The following MIX23 variants were observed in gnomAD, a reference collection of about 807,000 sequenced individuals.
The protein encoded by MIX23 is protein MIX23.
A neutral mutation model predicts 21.6 loss-of-function variants in MIX23; 13 were observed. The observed-to-expected ratio is 0.60, with a 90% confidence interval of 0.39 to 0.96. The LOEUF (loss-of-function observed/expected upper bound fraction) is 0.96, where lower values mean the gene tolerates loss of function less well. Ranked by LOEUF, MIX23 falls within the 40% of genes least tolerant of loss-of-function variation. MIX23 has a pLI of 0.00. For synonymous variants in MIX23, 59 were observed against 58.0 expected, an observed-to-expected ratio of 1.02 and a Z score of -0.08; for missense variants, 144 against 171.2, an observed-to-expected ratio of 0.84 and a Z score of 0.89.
chr3:122,364,528 C>G (rs891418926), intron 3 of MIX23, among the ~76,000 whole-genome samples: 1 of 152,164 alleles, frequency 6.6e-6, no homozygotes, highest in Admixed American at 6.5e-5. Flanking sequence ...CAGAATTATC[C>G]TGGGTAACTC....
At chr3:122,376,848 T>C (rs1184377561) in intron 1 of MIX23, among the ~76,000 whole-genome samples, 1 of 152,180 alleles carries the variant, frequency 6.6e-6, no homozygotes, top group Non-Finnish European at 1.5e-5. Flanking sequence ...GGTGAAAAAT[T>C]ACCTGTTGGG....
At chr3:122,378,991 A>G (rs1189502791) in intron 1 of MIX23, among the ~76,000 whole-genome samples, 1 of 152,258 alleles carries the variant, frequency 6.6e-6, no homozygotes, top group Non-Finnish European at 1.5e-5. Flanking sequence ...CATCACAGAA[A>G]GTCCTACTGG....
chr3:122,372,043 G>T (rs1469092125), intron 1 of MIX23, among the ~76,000 whole-genome samples: 1 of 151,978 alleles, frequency 6.6e-6, no homozygotes. Flanking sequence ...TGTCTTAAGG[G>T]TTAAGACTGT....
chr3:122,371,097 G>A (rs1260628408), intron 2 of MIX23, among the ~76,000 whole-genome samples: 1 of 152,168 alleles, frequency 6.6e-6, no homozygotes, highest in Non-Finnish European at 1.5e-5. Flanking sequence ...AGATTTTGCT[G>A]CATCATTATT....
At chr3:122,374,634 T>C (rs1333132090) in intron 1 of MIX23, among the ~76,000 whole-genome samples, 9 of 152,148 alleles carry the variant, frequency 5.9e-5, no homozygotes, top group East Asian at 1.9e-4. Context: ...ATTGAATCCA[T>C]GGATGTAAAA....
chr3:122,369,369 T>C (rs1454074001), intron 2 of MIX23, among the ~76,000 whole-genome samples: 1 of 152,206 alleles, frequency 6.6e-6, no homozygotes, highest in Non-Finnish European at 1.5e-5. Context: ...AAAAGGCAAA[T>C]ATCCCTTCTT....
chr3:122,372,904 C>T, intron 1 of MIX23: 1 of 319,316 alleles, frequency 3.1e-6, no homozygotes, highest in African/African-American at 2.2e-5. Context: ...TGAAAACATC[C>T]AAGTTAATAT....
chr3:122,379,001 GA>G (rs1256530584), intron 1 of MIX23, among the ~76,000 whole-genome samples: 1 of 152,150 alleles, frequency 6.6e-6, no homozygotes, highest in East Asian at 1.9e-4. Flanking sequence ...AGTCCTACTG[GA>G]CAGTGCTATA....
At chr3:122,377,925 G>C (rs564213345) in intron 1 of MIX23, among the ~76,000 whole-genome samples, 8 of 152,186 alleles carry the variant, frequency 5.3e-5, no homozygotes, top group Non-Finnish European at 8.8e-5. Context: ...ACCTTAAAGA[G>C]AGCCATATAA....
Position 122,383,200 on chromosome 3 carries a change from T to A in MIX23, c.25A>T (p.Asn9Tyr), listed in dbSNP as rs763712047. The change falls in exon 1 of 5, where the codon AAC becomes TAC. Residue 9 changes from asparagine (N) to tyrosine (Y), a missense_variant. Coordinates refer to ENST00000291458, the MANE Select transcript of MIX23 (RefSeq NM_001017928.4). MAAPSGGV[N>Y]CEEFAEFQEL... ...TGGAACTCGGCGAACTCCTCACAGT[T>A]CACACCGCCACTGGGCGCCGCCATA... 2.5e-6 allele frequency: 4 copies of A among 1,613,200 alleles called. No homozygotes were observed. The highest frequency in any genetic ancestry group is 3.4e-6 in the Non-Finnish European group (4 of 1,180,022).
intron 1 of MIX23, among the ~76,000 whole-genome samples, chr3:122,374,333 T>G (rs1218465307): frequency 6.6e-6 from 1 of 152,182 alleles, no homozygotes; most frequent in Non-Finnish European, 1.5e-5. Context: ...ATATAATTAC[T>G]GTCATCCCTT....
At position 122,368,445 on chromosome 3, in the gene MIX23, C is replaced by T. The variant is rs190745575; in HGVS notation, c.178-123G>A. On this transcript the variant is annotated intron_variant, in intron 2 of 4. Transcript: ENST00000291458. ...TACTTTCTAAAACAATTTCTGACGA[C>T]TGAAACCATGAAAGAGAAGATTGTG... is the stretch of plus-strand genomic sequence containing the variant. 321 of 963,310 alleles carry T rather than the reference C, an allele frequency of 3.3e-4. 2 individuals are homozygous for T. The African/African-American group carries it at 4.6e-3, about 14-fold the overall frequency. The allele number at this position is 963,310 out of a possible 1,614,324, so 59.7% of individuals were successfully genotyped here.
rs755793659 is a variant in MIX23 at position 122,368,326 on chromosome 3, A to G, written c.178-4T>C. 6.3e-7 allele frequency: 1 copy of G among 1,576,550 alleles called. No homozygotes were observed. Among genetic ancestry groups the G allele is most frequent in the Non-Finnish European group, 8.5e-7 (1 of 1,171,150 alleles). ...TACTGGCATGAGCTGCCATCAACTA[A>G]AAGAACAAAGGAATGAAAGGAGAAA... On this transcript the variant is annotated splice_region_variant and splice_polypyrimidine_tract_variant and intron_variant, in intron 2 of 4. Transcript: ENST00000291458.
chr3:122,363,587 G>T (rs1056972169), intron 3 of MIX23, among the ~76,000 whole-genome samples: 1 of 151,560 alleles, frequency 6.6e-6, no homozygotes, highest in African/African-American at 2.4e-5. Flanking sequence ...GACTTGCAAA[G>T]ATAGCACAGA....
chr3:122,380,198 C>T (rs772911076), intron 1 of MIX23, among the ~76,000 whole-genome samples: 61 of 152,108 alleles, frequency 4.0e-4, no homozygotes, highest in Admixed American at 1.0e-3. Flanking sequence ...ATATGGAACT[C>T]CCTTAACCTT....
intron 1 of MIX23, among the ~76,000 whole-genome samples, chr3:122,379,525 C>T (rs1170516922): frequency 6.6e-6 from 1 of 152,218 alleles, no homozygotes; most frequent in Non-Finnish European, 1.5e-5. Context: ...CACAAAAATG[C>T]TGCCATTGAA....
chr3:122,377,703 C>A (rs1026596771), intron 1 of MIX23, among the ~76,000 whole-genome samples: 1 of 152,042 alleles, frequency 6.6e-6, no homozygotes, highest in Non-Finnish European at 1.5e-5. Flanking sequence ...AAAAATTTAG[C>A]CAAGCATGGT....
Position 122,368,217 on chromosome 3 carries a change from C to T in MIX23, c.283G>A (p.Asp95Asn), listed in dbSNP as rs765614259. 8 of 1,610,092 alleles carry T rather than the reference C, an allele frequency of 5.0e-6. No individual in the cohort carries two copies. Among genetic ancestry groups the T allele is most frequent in the South Asian group, 2.2e-5 (2 of 90,946 alleles). The change falls in exon 3 of 5, where the codon GAT becomes AAT. Residue 95 changes from aspartate to asparagine, a missense_variant. Transcript: ENST00000291458. ...LREEREKNLD[D>N]LTLLKQLRKE... ...CTAAGTTGTTTTAATAACGTTAAAT[C>T]GTCCAAATTCTTTTCTCTCTCTTCT...
At position 122,373,100 on chromosome 3, in the gene MIX23, A is replaced by C. The variant is rs142142558; in HGVS notation, c.52-1300T>G. The stretch of plus-strand genomic sequence containing the variant: ...TTAGAAAAGTTAGAAAAAAACTTTA[A>C]ATAAAAATCATCCATAGTTAACCAT... On this transcript the variant is annotated intron_variant, in intron 1 of 4. Coordinates refer to ENST00000291458, the MANE Select transcript of MIX23 (RefSeq NM_001017928.4). 1.7e-3 allele frequency: 628 copies of C among 374,472 alleles called. 2 individuals are homozygous for C. The highest frequency in any genetic ancestry group is 0.013 in the African/African-American group (602 of 46,922). 23.2% of individuals were successfully genotyped at this position (374,472 alleles called of 1,614,324 possible).
Sources: gnomAD v4.1 joint callset for allele counts (sites outside exome capture counted in the v4.1 genomes callset) on GRCh38, gnomAD v4.1.1 for gene constraint, MANE v1.5 for transcripts, NCBI Gene and HGNC (gene_info 2026-07-23, HGNC 2026-07-21) for gene names.